FMO3: variants seen among roughly 807,000 people sequenced by gnomAD.
FMO3 encodes flavin-containing monooxygenase 3.
Under a neutral mutation model 39.4 loss-of-function variants are expected in FMO3, and 40 were observed. The ratio of observed to expected loss-of-function variants is 1.02; its 90% CI spans 0.79 to 1.32. The LOEUF (loss-of-function observed/expected upper bound fraction) is 1.32. Among genes scored for constraint, FMO3 ranks in the 40% most tolerant of loss-of-function variants. The pLI, the probability that FMO3 is intolerant of heterozygous loss-of-function variation, is 0.00. For synonymous variants in FMO3, 219 were observed against 228.8 expected (o/e 0.96, Z 0.39); for missense variants, 680 against 651.8 (o/e 1.04, Z -0.47).
intron 3 of FMO3, among the ~76,000 whole-genome samples, chr1:171,106,190 G>C (rs928144636): frequency 6.6e-6 from 1 of 151,826 alleles, no homozygotes; most frequent in Admixed American, 6.6e-5. Context: ...GCCCAGGCTG[G>C]AGTGCAATGG....
chr1:171,114,998 A>T (rs945942458), intron 7 of FMO3, among the ~76,000 whole-genome samples: 1 of 152,188 alleles, frequency 6.6e-6, no homozygotes, highest in African/African-American at 2.4e-5. Flanking sequence ...AACAAACTTG[A>T]TTGGGGTCAG....
chr1:171,103,855 G>A lies in FMO3; in HGVS notation c.203G>A (p.Cys68Tyr), dbSNP rs1279555870. ...VFSNSSKEMM[C>Y]FPDFPFPDDF... ...TCCAACTCTTCCAAAGAGATGATGT[G>A]TTTCCCAGACTTCCCATTTCCCGAT... The change falls in exon 3 of 9, where the codon TGT becomes TAT. Residue 68 changes from cysteine to tyrosine, a missense_variant. Transcript: ENST00000367755. 3 of 1,613,758 alleles carry A rather than the reference G, an allele frequency of 1.9e-6. No homozygotes were observed.
Position 171,114,137 on chromosome 1 carries a change from G to A in FMO3, c.958G>A (p.Glu320Lys). The A allele has an allele frequency of 1.2e-6, 2 of 1,614,024 alleles. No individual in the cohort carries two copies. Among genetic ancestry groups the A allele is most frequent in the Non-Finnish European group, 1.7e-6 (2 of 1,179,944 alleles). ...SAIFEDGTIF[E>K]GIDCVIFATG... is the part of the protein sequence containing the mutation. ...CATTTTTGAGGATGGGACCATATTTGAGGGCATTGACTGTGTAATCTTTGC... is the reference window on the plus strand; with the variant it reads ...CATTTTTGAGGATGGGACCATATTTAAGGGCATTGACTGTGTAATCTTTGC... The change falls in exon 7 of 9, where the codon GAG (glutamate) becomes AAG (lysine). Residue 320 changes from glutamate (E) to lysine (K), a missense_variant. Transcript: ENST00000367755.
intron 2 of FMO3, chr1:171,101,235 T>C (rs1055218050): frequency 8.8e-6 from 4 of 456,106 alleles, no homozygotes; most frequent in East Asian, 1.4e-4. Context: ...TTCAGCCTAC[T>C]GATAGTGATT....
At chr1:171,096,403 A>T (rs1334117056) in intron 2 of FMO3, among the ~76,000 whole-genome samples, 1 of 102,332 alleles carries the variant, frequency 9.8e-6, no homozygotes, top group Non-Finnish European at 1.7e-5. Context: ...ATAATTACAT[A>T]TATATTATAT....
At chr1:171,107,210 T>C (rs1655682413) in intron 3 of FMO3, among the ~76,000 whole-genome samples, 1 of 152,076 alleles carries the variant, frequency 6.6e-6, no homozygotes, top group South Asian at 2.1e-4. Flanking sequence ...CACCTAGGAG[T>C]GTGTTAGAAA....
intron 2 of FMO3, among the ~76,000 whole-genome samples, chr1:171,103,487 T>TA (rs1472489909): frequency 2.6e-5 from 4 of 151,956 alleles, no homozygotes; most frequent in Non-Finnish European, 5.9e-5. Context: ...AAAATAAAAA[T>TA]AAAAAATCAA....
In FMO3 at chr1:171,107,819, C is replaced by A. The variant is rs749915808; in HGVS notation, c.466C>A (p.Pro156Thr). Residue 156 changes from proline (P) to threonine (T), a missense_variant, in exon 4 of 9, where the codon CCA becomes ACA. Transcript: ENST00000367755. ...CGGACATCATGTGTATCCCAACCTA[C>A]CAAAAGAGTCCTTTCCAGGTAAGGC... Reference protein sequence around the residue: ...CSGHHVYPNLPKESFPGLNHF... With the variant: ...CSGHHVYPNLTKESFPGLNHF... 1.2e-6 allele frequency: 2 copies of A among 1,613,806 alleles called. No individual in the cohort carries two copies. The highest frequency in any genetic ancestry group is 1.7e-5 in the Admixed American group (1 of 59,980).
intron 5 of FMO3, 144 bp downstream of exon 5, chr1:171,108,365 C>T (rs1655747866): frequency 1.1e-6 from 1 of 919,488 alleles, no homozygotes; most frequent in South Asian, 1.5e-5. Flanking sequence ...TGAGCTTCCC[C>T]AAGTAACAGG....
At chr1:171,110,604 A>G (rs1571221994) in intron 5 of FMO3, among the ~76,000 whole-genome samples, 194 bp from the exon 6 acceptor site, 1 of 152,196 alleles carries the variant, frequency 6.6e-6, no homozygotes, top group African/African-American at 2.4e-5. Context: ...CAGAAAGAGT[A>G]GAAGATGTTG....
rs1388265038 is a variant in FMO3 at position 171,110,999 on chromosome 1, T to A, written c.827+2T>A. 6.2e-7 allele frequency: 1 copy of A among 1,611,768 alleles called. No individual in the cohort carries two copies. Among genetic ancestry groups the A allele is most frequent in the South Asian group, 1.1e-5 (1 of 91,028 alleles). On this transcript the variant is annotated splice_donor_variant, in intron 6 of 8. Transcript: ENST00000367755. LOFTEE classifies it high-confidence loss of function. Reference sequence around the variant, plus strand: ...CTATGGCTTGATGCCTTTAAATGGGTAATGCAGAGCTAAACGTGATATGCC... The same window carrying A: ...CTATGGCTTGATGCCTTTAAATGGGAAATGCAGAGCTAAACGTGATATGCC...
chr1:171,095,931 TATA>T, intron 2 of FMO3, among the ~76,000 whole-genome samples: 1 of 74,858 alleles, frequency 1.3e-5, no homozygotes, highest in East Asian at 3.4e-4. Flanking sequence ...TATATAATTA[TATA>T]TAATATATAT....
At chr1:171,096,981 C>T (rs1386325445) in intron 2 of FMO3, among the ~76,000 whole-genome samples, 2 of 150,868 alleles carry the variant, frequency 1.3e-5, no homozygotes, top group Non-Finnish European at 2.9e-5. Context: ...TGATATTCCC[C>T]TTCCTGTGTC....
intron 5 of FMO3, 78 bp downstream of exon 5, chr1:171,108,299 T>C: frequency 1.9e-6 from 3 of 1,546,890 alleles, no homozygotes; most frequent in Non-Finnish European, 2.7e-6. Flanking sequence ...TGATATGAAA[T>C]GTGGGGGAGG....
chr1:171,102,184 G>A (rs1379318101), intron 2 of FMO3, among the ~76,000 whole-genome samples: 5 of 152,084 alleles, frequency 3.3e-5, no homozygotes, highest in African/African-American at 1.2e-4. Context: ...CAGCCACATT[G>A]GCTTTTGACG....
At chr1:171,091,777 G>A (rs1276598932) in intron 1 of FMO3, among the ~76,000 whole-genome samples, 1 of 151,998 alleles carries the variant, frequency 6.6e-6, no homozygotes, top group African/African-American at 2.4e-5. Flanking sequence ...TAATTGAGAA[G>A]GTGAAGTACA....
Position 171,117,413 on chromosome 1 carries a change from T to A in FMO3, c.1570T>A (p.Leu524Ile). 7 of 1,613,656 alleles carry A rather than the reference T, an allele frequency of 4.3e-6. No individual in the cohort carries two copies. Among genetic ancestry groups the A allele is most frequent in the Non-Finnish European group, 5.9e-6 (7 of 1,179,824 alleles). The change falls in exon 9 of 9, where the codon TTA becomes ATA. Residue 524 changes from leucine (L) to isoleucine (I), a missense_variant. By Grantham distance (5) the Leu-to-Ile change is conservative. Coordinates refer to ENST00000367755, the MANE Select transcript of FMO3 (RefSeq NM_001002294.3). ...WLKLFAIPIL[L>I]IAVFLVLT ...GAAGCTCTTTGCAATTCCTATTCTG[T>A]TAATCGCTGTTTTCCTTGTGTTGAC...
intron 2 of FMO3, among the ~76,000 whole-genome samples, chr1:171,096,281 ATATTATATATC>A (rs1415024747): frequency 3.1e-5 from 2 of 64,132 alleles, no homozygotes; most frequent in South Asian, 5.4e-4. Context: ...AATATTATAT[ATATTATATATC>A]TATTATATAT....
rs145167475 is a variant in FMO3, at chr1:171,101,646, T to A, written c.133-2139T>A. On this transcript the variant is annotated intron_variant, in intron 2 of 8. Coordinates refer to ENST00000367755, the MANE Select transcript of FMO3 (RefSeq NM_001002294.3). ...TGTTGGAGCTGTTTACTACAGCACT[T>A]TCTATGCCCTTCTAGTTCTGACTTC... is the stretch of plus-strand genomic sequence containing the variant. 2,090 of 471,102 alleles carry A rather than the reference T, an allele frequency of 4.4e-3. 21 individuals are homozygous for A. The highest frequency in any genetic ancestry group is 0.019 in the Middle Eastern group (57 of 3,076). 29.2% of individuals were successfully genotyped at this position (471,102 alleles called of 1,614,324 possible).
Sources: gnomAD v4.1 joint callset for allele counts (sites outside exome capture counted in the v4.1 genomes callset) on GRCh38, gnomAD v4.1.1 for gene constraint, MANE v1.5 for transcripts, NCBI Gene and HGNC (gene_info 2026-07-23, HGNC 2026-07-21) for gene names.